The following ADGRV1 variants were observed in gnomAD, a reference collection of about 807,000 sequenced individuals.
ADGRV1 encodes adhesion G protein-coupled receptor V1.
Under a neutral mutation model 596.2 loss-of-function variants are expected in ADGRV1, and 359 were observed. That is an observed-to-expected ratio of 0.60 (90% CI 0.55 to 0.66). The LOEUF is 0.66. Among genes scored for constraint, ADGRV1 ranks in the 30% least tolerant of loss-of-function variants. ADGRV1 has a pLI of 0.00. For synonymous variants in ADGRV1, 2,681 were observed against 2,679.2 expected (o/e 1.00, Z -0.02); for missense variants, 7,274 against 7,575.6 (o/e 0.96, Z 1.48).
chr5:90,588,816 G>A (rs1022350480), intron 1 of ADGRV1, among the ~76,000 whole-genome samples: 1 of 152,182 alleles, frequency 6.6e-6, no homozygotes, highest in African/African-American at 2.4e-5. Flanking sequence ...ATTTAGAGTG[G>A]GAGGGTACAA....
chr5:90,599,755 A>G (rs989150922), intron 1 of ADGRV1, among the ~76,000 whole-genome samples: 3 of 152,172 alleles, frequency 2.0e-5, no homozygotes, highest in African/African-American at 7.2e-5. Flanking sequence ...TTCAATGTGT[A>G]TGAGGCGGAT....
At chr5:90,921,851 A>T (rs1257933044) in intron 83 of ADGRV1, among the ~76,000 whole-genome samples, 2 of 150,078 alleles carry the variant, frequency 1.3e-5, no homozygotes, top group Non-Finnish European at 3.0e-5. Flanking sequence ...CCCCAGGTCA[A>T]TGCAGCACTA....
intron 83 of ADGRV1, among the ~76,000 whole-genome samples, chr5:90,868,013 T>A (rs1403580132): frequency 6.6e-6 from 1 of 152,148 alleles, no homozygotes; most frequent in African/African-American, 2.4e-5. Flanking sequence ...TATATGTTAG[T>A]GGAGATATAA....
chr5:91,079,824 A>G (rs1212444996), intron 86 of ADGRV1, among the ~76,000 whole-genome samples: 1 of 152,142 alleles, frequency 6.6e-6, no homozygotes, highest in Non-Finnish European at 1.5e-5. Context: ...ATTATGTTTA[A>G]TTGACATCTT....
intron 84 of ADGRV1, among the ~76,000 whole-genome samples, chr5:90,978,301 A>AATAG (rs1306721798): frequency 6.6e-6 from 1 of 151,462 alleles, no homozygotes; most frequent in Non-Finnish European, 1.5e-5. Context: ...TCTCAAAATA[A>AATAG]ATAAATAAAT....
At chr5:90,794,209 C>G (rs1400557587) in intron 70 of ADGRV1, among the ~76,000 whole-genome samples, 1 of 152,170 alleles carries the variant, frequency 6.6e-6, no homozygotes, top group Non-Finnish European at 1.5e-5. Flanking sequence ...GGCTTCTAAC[C>G]TGCAAGTGGG....
At position 90,651,665 on chromosome 5, in the gene ADGRV1, A is replaced by C. The variant is rs1210677261; in HGVS notation, c.3351A>C (p.Pro1117=). ...ATVIIEANDD[P]NGIFSLEPID... is the part of the protein sequence containing the mutation. Reference sequence around the variant, plus strand: ...TAATAATTGAAGCTAATGATGACCCAAATGGCATTTTTTCTCTGGAGCCCA... The same window carrying C: ...TAATAATTGAAGCTAATGATGACCCCAATGGCATTTTTTCTCTGGAGCCCA... Residue 1117 remains proline (P), a synonymous_variant, in exon 18 of 90, where the codon CCA becomes CCC. Transcript: ENST00000405460. 1 of 1,612,656 alleles carries C rather than the reference A, an allele frequency of 6.2e-7. No individual in the cohort carries two copies. The highest frequency in any genetic ancestry group is 8.5e-7 in the Non-Finnish European group (1 of 1,179,088).
intron 59 of ADGRV1, among the ~76,000 whole-genome samples, chr5:90,763,839 G>T (rs572672101): frequency 7.9e-5 from 12 of 152,136 alleles, no homozygotes; most frequent in Non-Finnish European, 1.8e-4. Flanking sequence ...CATCTATGTT[G>T]CTTCAAAGGA....
intron 85 of ADGRV1, chr5:91,031,006 C>A: frequency 6.7e-7 from 1 of 1,482,178 alleles, no homozygotes; most frequent in Non-Finnish European, 9.0e-7. Context: ...CAGTTGTAGT[C>A]TGCTGATCTG....
At chr5:90,728,582 A>C in intron 48 of ADGRV1, 87 bp from the exon 49 acceptor site, 1 of 1,096,330 alleles carries the variant, frequency 9.1e-7, no homozygotes, top group Non-Finnish European at 1.3e-6. Context: ...AAAGGATCCA[A>C]GAGAGTAAAC....
rs755409297 is a variant in ADGRV1 at position 90,706,271 on chromosome 5, G to A, written c.8607G>A (p.Leu2869=). Reference sequence around the variant, plus strand: ...CATATACCACGGTTCCTGGAATGCTGAGTCTGAAGAACCAAACAGTAGGAA... The same window carrying A: ...CATATACCACGGTTCCTGGAATGCTAAGTCTGAAGAACCAAACAGTAGGAA... ...NVTYTTVPGM[L]SLKNQTVGNL... The change falls in exon 38 of 90, where the codon CTG becomes CTA. Residue 2869 remains leucine, a synonymous_variant. Coordinates refer to ENST00000405460, the MANE Select transcript of ADGRV1 (RefSeq NM_032119.4). 1.2e-6 allele frequency: 2 copies of A among 1,613,354 alleles called. No individual in the cohort carries two copies. Among genetic ancestry groups the A allele is most frequent in the Middle Eastern group, 1.7e-4 (1 of 6,060 alleles).
At chr5:90,567,513 T>C (rs551095378) in intron 1 of ADGRV1, among the ~76,000 whole-genome samples, 4 of 152,306 alleles carry the variant, frequency 2.6e-5, no homozygotes, top group African/African-American at 9.6e-5. Context: ...TTCAGATTTT[T>C]AATTTCTTTT....
chr5:90,810,882 G>T lies in ADGRV1; in HGVS notation c.15622G>T (p.Ala5208Ser), dbSNP rs1023881798. 3.7e-6 allele frequency: 6 copies of T among 1,613,894 alleles called. No homozygotes were observed. The African/African-American group carries it at 8.0e-5, about 22-fold the overall frequency. Residue 5208 changes from alanine to serine, a missense_variant, in exon 74 of 90, where the codon GCC (alanine) becomes TCC (serine). Ala to Ser is a moderately conservative substitution (Grantham distance 99, BLOSUM62 1). This residue lies in a region of ADGRV1 where 1,874 missense variants were observed against 1,970.2 expected (regional missense o/e 0.95). Coordinates refer to ENST00000405460, the MANE Select transcript of ADGRV1 (RefSeq NM_032119.4). ...TGCTGTGTCTGAAAAGCCTGATGTG[G>T]CCACTGTAACTGCCAATGTTTCCAT... The part of the protein sequence containing the change: ...TPAVSEKPDV[A>S]TVTANVSIHG...
chr5:90,732,626 C>T (rs540278138), intron 50 of ADGRV1, among the ~76,000 whole-genome samples: 1 of 152,130 alleles, frequency 6.6e-6, no homozygotes, highest in Admixed American at 6.5e-5. Flanking sequence ...CACGCCCTGG[C>T]CCCTGGCAAG....
At chr5:90,772,017 CT>C (rs1456463943) in intron 59 of ADGRV1, among the ~76,000 whole-genome samples, 4 of 152,130 alleles carry the variant, frequency 2.6e-5, no homozygotes, top group African/African-American at 9.7e-5. Flanking sequence ...CTTTTCCCCC[CT>C]CTTACTGGTT....
At chr5:90,724,681 C>T in intron 45 of ADGRV1, 151 bp from the exon 46 acceptor site, 7 of 574,716 alleles carry the variant, frequency 1.2e-5, no homozygotes, top group South Asian at 5.9e-5. Flanking sequence ...AAAGTTTTCC[C>T]ACTTGTGTCT....
chr5:91,034,272 TA>T (rs1050951142), intron 85 of ADGRV1, among the ~76,000 whole-genome samples: 14 of 152,130 alleles, frequency 9.2e-5, no homozygotes, highest in African/African-American at 3.1e-4. Flanking sequence ...CATTTAATTT[TA>T]ATAAGGTTTG....
At chr5:90,864,758 G>A (rs1026824347) in intron 83 of ADGRV1, among the ~76,000 whole-genome samples, 1 of 152,086 alleles carries the variant, frequency 6.6e-6, no homozygotes, top group African/African-American at 2.4e-5. Flanking sequence ...TCTATATAAT[G>A]CTCTTATGGA....
chr5:90,757,108 G>A lies in ADGRV1; in HGVS notation c.11887G>A (p.Gly3963Ser), dbSNP rs748324530. ...VYWKASPDSA[G>S]LEDFKPSHGI... Reference sequence around the variant, plus strand: ...TTGGAAAGCATCACCAGACAGTGCTGGCCTGGAAGACTTTAAACCATCTCA... The same window carrying A: ...TTGGAAAGCATCACCAGACAGTGCTAGCCTGGAAGACTTTAAACCATCTCA... The change falls in exon 57 of 90, where the codon GGC becomes AGC. Residue 3963 changes from glycine to serine, a missense_variant. Gly to Ser is a moderately conservative substitution (Grantham distance 56, BLOSUM62 0). Transcript: ENST00000405460. 10 of 1,613,778 alleles carry A rather than the reference G, an allele frequency of 6.2e-6. No homozygotes were observed. The East Asian group carries it at 6.7e-5, about 11-fold the overall frequency.
Sources: gnomAD v4.1 joint callset for allele counts (sites outside exome capture counted in the v4.1 genomes callset) on GRCh38, gnomAD v4.1.1 for gene constraint, gnomAD v4.1.1 regional missense constraint, MANE v1.5 for transcripts, NCBI Gene and HGNC (gene_info 2026-07-23, HGNC 2026-07-21) for gene names.